PISD: variants seen among roughly 807,000 people sequenced by gnomAD.
The protein encoded by PISD is phosphatidylserine decarboxylase.
Under a neutral mutation model 43.5 loss-of-function variants are expected in PISD, and 31 were observed. The ratio of observed to expected loss-of-function variants is 0.71; its 90% CI spans 0.54 to 0.96. The LOEUF (loss-of-function observed/expected upper bound fraction) is 0.96. Among genes scored for constraint, PISD ranks in the 40% least tolerant of loss-of-function variants. The pLI, the probability that PISD is intolerant of heterozygous loss-of-function variation, is 0.00. For missense variants in PISD, 523 were observed against 548.4 expected (o/e 0.95, Z 0.46); for synonymous variants, 259 against 228.7 (o/e 1.13, Z -1.20).
intron 1 of PISD, among the ~76,000 whole-genome samples, chr22:31,653,499 G>A (rs1039019493): frequency 1.3e-5 from 2 of 152,160 alleles, no homozygotes; most frequent in African/African-American, 4.8e-5. Flanking sequence ...ACTGGACACA[G>A]GGCACTCAGG....
intron 2 of PISD, 120 bp from the exon 3 acceptor site, chr22:31,648,396 G>T: frequency 1.3e-6 from 1 of 777,412 alleles, no homozygotes; most frequent in Admixed American, 2.6e-5. Context: ...CCTCAGTAGG[G>T]GACCAGGCAC....
chr22:31,656,618 A>G (rs1334892846), intron 1 of PISD, among the ~76,000 whole-genome samples: 1 of 152,012 alleles, frequency 6.6e-6, no homozygotes, highest in Non-Finnish European at 1.5e-5. Flanking sequence ...ACTGCACTCC[A>G]GCCTGGGTGA....
Position 31,621,669 on chromosome 22 carries a change from C to G in PISD, c.538G>C (p.Val180Leu). ...CTCACCACGCTGTGCAGGCCACAGA[C>G]AGGCCGGGCCTGCGGCTTCAGCTTG... is the stretch of plus-strand genomic sequence containing the variant. Reference protein sequence around the residue: ...RRKLKPQARPVCGLHSVISPS... With the variant: ...RRKLKPQARPLCGLHSVISPS... Residue 180 changes from valine to leucine, a missense_variant, in exon 4 of 8, where the codon GTC (valine) becomes CTC (leucine). Physicochemically the swap from Val to Leu is conservative, Grantham distance 32. Transcript: ENST00000439502. 2 of 1,613,776 alleles carry G rather than the reference C, an allele frequency of 1.2e-6. No homozygotes were observed. Among genetic ancestry groups the G allele is most frequent in the Non-Finnish European group, 1.7e-6 (2 of 1,179,874 alleles).
At chr22:31,660,895 G>T (rs948227548) in intron 1 of PISD, among the ~76,000 whole-genome samples, 10 of 151,954 alleles carry the variant, frequency 6.6e-5, no homozygotes, top group African/African-American at 2.4e-4. Context: ...CACCATGCCC[G>T]GCTAATTTTT....
Position 31,642,869 on chromosome 22 carries a change from G to A in PISD, c.321+5232C>T, listed in dbSNP as rs371301431. On this transcript the variant is annotated intron_variant, in intron 3 of 7. Coordinates refer to ENST00000439502, the MANE Select transcript of PISD (RefSeq NM_001326411.2). ...TGTAATCCCAGCACTTTGGGAGGCT[G>A]AGGCGGGCGGATCACCTGAGGTCGG... 2.6e-5 allele frequency among the ~76,000 whole-genome samples: 4 copies of A among 151,590 alleles called. No homozygotes were observed. The East Asian group carries it at 5.8e-4, about 22-fold the overall frequency.
At position 31,620,995 on chromosome 22, in the gene PISD, C is replaced by T; in HGVS notation, c.844+1G>A. 6.2e-7 allele frequency: 1 copy of T among 1,611,984 alleles called. No individual in the cohort carries two copies. The highest frequency in any genetic ancestry group is 8.5e-7 in the Non-Finnish European group (1 of 1,179,128). ...TCCCCCCACGCTGGCCCCGGGCTGACCTGGGAAGTGGCGCCGGTGGGACAC... is the reference window on the plus strand; with the variant it reads ...TCCCCCCACGCTGGCCCCGGGCTGATCTGGGAAGTGGCGCCGGTGGGACAC... On this transcript the variant is annotated splice_donor_variant, in intron 6 of 7. Coordinates refer to ENST00000439502, the MANE Select transcript of PISD (RefSeq NM_001326411.2). LOFTEE classifies it high-confidence loss of function.
At chr22:31,625,559 TC>T in intron 3 of PISD, 1 of 636,664 alleles carries the variant, frequency 1.6e-6, no homozygotes, top group Non-Finnish European at 2.7e-6. Flanking sequence ...TGGGCCCTCC[TC>T]ATGGTTGGAA....
intron 3 of PISD, chr22:31,625,930 C>T: frequency 6.6e-7 from 1 of 1,517,724 alleles, no homozygotes; most frequent in Non-Finnish European, 8.9e-7. Context: ...TCCAGGGCCT[C>T]TGCCTCTGCG....
chr22:31,629,311 G>C, intron 3 of PISD: 1 of 748,330 alleles, frequency 1.3e-6, no homozygotes, highest in Non-Finnish European at 1.6e-6. Context: ...TGCATGGAGG[G>C]GTGCGTGTAT....
At chr22:31,648,640 C>T (rs2073948927) in intron 2 of PISD, among the ~76,000 whole-genome samples, 1 of 149,380 alleles carries the variant, frequency 6.7e-6, no homozygotes, top group African/African-American at 2.5e-5. Context: ...GCACTCCAGC[C>T]TAGGTAACAG....
intron 7 of PISD, 151 bp from the exon 8 acceptor site, chr22:31,619,987 C>G (rs1295696244): frequency 4.8e-6 from 3 of 620,432 alleles, no homozygotes; most frequent in Non-Finnish European, 8.6e-6. Flanking sequence ...CATCTCAGGG[C>G]CAGGTGGGCC....
rs117296997 is a variant in PISD, at chr22:31,659,885, T to C, written c.65+2259A>G. On this transcript the variant is annotated intron_variant, in intron 1 of 7. Coordinates refer to ENST00000439502, the MANE Select transcript of PISD (RefSeq NM_001326411.2). ...GCATGCGCCACCGTGCCCGGCTTTGTTTTTTTTAATCAGCCAGCCTCCCAA... is the reference window on the plus strand; with the variant it reads ...GCATGCGCCACCGTGCCCGGCTTTGCTTTTTTTAATCAGCCAGCCTCCCAA... Among the ~76,000 whole-genome samples, 63 of 152,004 alleles carry C rather than the reference T, an allele frequency of 4.1e-4. No homozygotes were observed. In the East Asian group the frequency reaches 0.011, roughly 27 times the overall value.
At chr22:31,662,540 T>G (rs1038559777), upstream of PISD, 2 of 384,106 alleles carry the variant, frequency 5.2e-6, no homozygotes. Context: ...ACTTGCTCAT[T>G]TTACGGATGG....
intron 1 of PISD, among the ~76,000 whole-genome samples, chr22:31,656,229 A>G (rs1262787897): frequency 6.6e-6 from 1 of 152,152 alleles, no homozygotes; most frequent in Non-Finnish European, 1.5e-5. Context: ...CTATAATCCC[A>G]GCTACTTGGG....
chr22:31,656,379 G>T (rs2074177277), intron 1 of PISD, among the ~76,000 whole-genome samples: 1 of 151,340 alleles, frequency 6.6e-6, no homozygotes, highest in Non-Finnish European at 1.5e-5. Flanking sequence ...GGGCATGGTG[G>T]CTGACGCCTA....
chr22:31,638,717 G>T, intron 3 of PISD: 1 of 662,410 alleles, frequency 1.5e-6, no homozygotes, highest in Non-Finnish European at 1.9e-6. Context: ...AAACTCCTGG[G>T]CTCAAGAGAT....
chr22:31,630,333 T>G lies in PISD; in HGVS notation c.322-8448A>C, dbSNP rs2073140559. ...AAGCCGGCCACCCGCTCCCTGGCCC[T>G]CGGGCGCCGCCCTCTTCCCCAGGCG... On this transcript the variant is annotated intron_variant, in intron 3 of 7. Coordinates refer to ENST00000439502, the MANE Select transcript of PISD (RefSeq NM_001326411.2). The surrounding 1 kb of genome is among the most constrained non-coding windows in gnomAD (Gnocchi z 4.4). Among the ~76,000 whole-genome samples the G allele has an allele frequency of 6.6e-6, 1 of 151,982 alleles. No individual in the cohort carries two copies. The highest frequency in any genetic ancestry group is 1.5e-5 in the Non-Finnish European group (1 of 67,974).
At chr22:31,656,520 G>A (rs2074180938) in intron 1 of PISD, among the ~76,000 whole-genome samples, 1 of 151,526 alleles carries the variant, frequency 6.6e-6, no homozygotes, top group African/African-American at 2.4e-5. Context: ...GTGGTGGTCG[G>A]TGCCTATAGT....
upstream of PISD, chr22:31,662,385 G>A: frequency 4.7e-6 from 3 of 632,794 alleles, no homozygotes; most frequent in South Asian, 3.6e-5. Flanking sequence ...GCGGAGGTAG[G>A]GGAACTAGTG....
Sources: allele counts gnomAD v4.1 joint callset (sites outside exome capture counted in the v4.1 genomes callset), GRCh38; gene constraint gnomAD v4.1.1; non-coding constraint Gnocchi (gnomAD v3.1); transcripts MANE v1.5; gene names NCBI Gene and HGNC (gene_info 2026-07-23, HGNC 2026-07-21).